Variants in FGD4 observed in about 807,000 individuals in gnomAD.
FGD4 encodes the protein FYVE, RhoGEF and PH domain containing 4.
FGD4 carries 42 observed loss-of-function variants against 102.0 expected under a neutral mutation model. That is an observed-to-expected ratio of 0.41 (90% CI 0.32 to 0.53). The LOEUF is 0.53. Ranked by LOEUF, FGD4 falls within the 20% of genes least tolerant of loss-of-function variation. The pLI is 0.21. For missense variants in FGD4, 902 were observed against 1,078.2 expected (o/e 0.84, Z 2.29); for synonymous variants, 380 against 375.7 (o/e 1.01, Z -0.13).
At chr12:32,593,969 A>G (rs558395071) in intron 4 of FGD4, among the ~76,000 whole-genome samples, 20 of 152,238 alleles carry the variant, frequency 1.3e-4, no homozygotes, top group Non-Finnish European at 2.4e-4. Flanking sequence ...GACATTATAG[A>G]AAGGAAAGAT....
intron 1 of FGD4, chr12:32,502,200 C>G (rs1389559392): frequency 1.0e-6 from 1 of 985,356 alleles, no homozygotes; most frequent in Non-Finnish European, 1.2e-6. Flanking sequence ...AGCAGGGGAG[C>G]CTGTGCTGGG....
chr12:32,526,135 T>C (rs375279489), intron 1 of FGD4, among the ~76,000 whole-genome samples: 1 of 152,224 alleles, frequency 6.6e-6, no homozygotes, highest in East Asian at 1.9e-4. Context: ...GCTGGGCTCC[T>C]GAGTCTGGTG....
At chr12:32,442,246 G>T (rs552521893) in intron 1 of FGD4, among the ~76,000 whole-genome samples, 1 of 151,904 alleles carries the variant, frequency 6.6e-6, no homozygotes, top group East Asian at 1.9e-4. Flanking sequence ...GTAGAGACGG[G>T]GTTTCACCGT....
chr12:32,482,721 T>TG (rs1362157443), intron 1 of FGD4, among the ~76,000 whole-genome samples: 1 of 152,164 alleles, frequency 6.6e-6, no homozygotes, highest in Non-Finnish European at 1.5e-5. Flanking sequence ...GTTTTGAGTT[T>TG]GGGGGGAGAA....
rs1394143790 is a variant in FGD4, at chr12:32,414,277, C to CT, written c.166+14328dup. On this transcript the variant is annotated intron_variant, in intron 1 of 16. Transcript: ENST00000534526. Reference sequence around the variant, plus strand: ...GTGTGCCACCGCACCCAGCCTACTTCTTTTTTTTTTAAAAAATTATTTATT... The same window carrying CT: ...GTGTGCCACCGCACCCAGCCTACTTCTTTTTTTTTTTAAAAAATTATTTATT... Among the ~76,000 whole-genome samples the CT allele has an allele frequency of 6.5e-4, 98 of 150,354 alleles. 1 individual carries two copies. The highest frequency in any genetic ancestry group is 1.3e-3 in the South Asian group (6 of 4,758).
chr12:32,475,375 C>T (rs1322235652), intron 1 of FGD4, among the ~76,000 whole-genome samples: 2 of 152,168 alleles, frequency 1.3e-5, no homozygotes, highest in South Asian at 2.1e-4. Context: ...TCCCACAAAT[C>T]GTTTTAAGAT....
intron 1 of FGD4, among the ~76,000 whole-genome samples, chr12:32,551,162 A>G (rs1565830122): frequency 6.6e-6 from 1 of 152,212 alleles, no homozygotes; most frequent in Non-Finnish European, 1.5e-5. Flanking sequence ...AGCATGAGCA[A>G]GTGCTGGGTG....
chr12:32,624,109 A>G (rs1950006106), intron 11 of FGD4, among the ~76,000 whole-genome samples: 1 of 152,204 alleles, frequency 6.6e-6, no homozygotes, highest in African/African-American at 2.4e-5. Flanking sequence ...GCTGTTGTAT[A>G]TTCAGTGTAA....
At chr12:32,584,594 C>T (rs12322494) in intron 4 of FGD4, among the ~76,000 whole-genome samples, 2 of 151,556 alleles carry the variant, frequency 1.3e-5, no homozygotes, top group East Asian at 1.9e-4. Context: ...TGTAACCCCC[C>T]CCTCCCAAAA....
intron 1 of FGD4, chr12:32,486,268 T>C (rs1165290528): frequency 1.1e-6 from 1 of 939,034 alleles, no homozygotes; most frequent in Non-Finnish European, 1.5e-6. Context: ...TGTTAAGTGA[T>C]AATAATTTGT....
intron 1 of FGD4, among the ~76,000 whole-genome samples, chr12:32,498,126 G>A (rs548646485): frequency 1.2e-3 from 182 of 152,278 alleles, no homozygotes; most frequent in African/African-American, 4.1e-3. Context: ...GTTGTCGTTG[G>A]ACTTTGTAGA....
chr12:32,407,121 ATTT>A (rs35497027), intron 1 of FGD4, among the ~76,000 whole-genome samples: 140 of 90,908 alleles, frequency 1.5e-3, no homozygotes, highest in Middle Eastern at 0.02. Context: ...AAGAAGCTGT[ATTT>A]TTTTTTTTTT....
intron 1 of FGD4, among the ~76,000 whole-genome samples, chr12:32,526,235 G>C (rs922819316): frequency 6.6e-6 from 1 of 151,920 alleles, no homozygotes; most frequent in South Asian, 2.1e-4. Context: ...GAGCGCACCA[G>C]TCGACACTCT....
chr12:32,620,520 C>CTTTTTTTTTTTT (rs1233071153), intron 11 of FGD4, among the ~76,000 whole-genome samples: 5 of 91,136 alleles, frequency 5.5e-5, no homozygotes, highest in Admixed American at 1.4e-4. Context: ...TTTTTTCTTT[C>CTTTTTTTTTTTT]TTTTTTTTTT....
intron 7 of FGD4, among the ~76,000 whole-genome samples, chr12:32,607,525 G>GT (rs996406387): frequency 2.6e-5 from 4 of 151,920 alleles, no homozygotes; most frequent in South Asian, 4.2e-4. Flanking sequence ...TGTTGTTGTT[G>GT]TTTTTTTTGA....
At chr12:32,492,914 C>A (rs11615039) in intron 1 of FGD4, among the ~76,000 whole-genome samples, 23,640 of 152,260 alleles carry the variant, frequency 0.16, 2,042 homozygotes, top group Non-Finnish European at 0.21. Flanking sequence ...GCACCTTGGA[C>A]AGCCTTGCTT....
intron 10 of FGD4, among the ~76,000 whole-genome samples, chr12:32,612,839 C>T (rs1398606111): frequency 1.4e-4 from 21 of 152,140 alleles, no homozygotes; most frequent in Non-Finnish European, 1.6e-4. Flanking sequence ...GTCCTTGACC[C>T]TTTCCTTCAC....
At chr12:32,568,729 T>G (rs1322185136) in intron 2 of FGD4, among the ~76,000 whole-genome samples, 5 of 152,226 alleles carry the variant, frequency 3.3e-5, no homozygotes, top group African/African-American at 1.2e-4. Context: ...TGTATAATGA[T>G]CCATTCTTTT....
At chr12:32,618,940 C>A (rs911795933) in intron 10 of FGD4, among the ~76,000 whole-genome samples, 3 of 152,116 alleles carry the variant, frequency 2.0e-5, no homozygotes, top group Non-Finnish European at 2.9e-5. Flanking sequence ...TAGAGTGAGA[C>A]CCTCTCTCAG....
Sources: allele counts gnomAD v4.1 joint callset (sites outside exome capture counted in the v4.1 genomes callset), GRCh38; gene constraint gnomAD v4.1.1; transcripts MANE v1.5; gene names NCBI Gene and HGNC (gene_info 2026-07-23, HGNC 2026-07-21).